MACROD1: variants seen among roughly 807,000 people sequenced by gnomAD.
The protein encoded by MACROD1 is ADP-ribose glycohydrolase MACROD1.
In MACROD1, 31 loss-of-function variants were observed where a neutral mutation model predicts 41.4. The observed-to-expected ratio is 0.75, with a 90% confidence interval of 0.56 to 1.01. MACROD1 has a LOEUF of 1.01. MACROD1 is among the 50% of genes least tolerant of loss of function. The pLI is 0.00. For synonymous variants in MACROD1, 252 were observed against 203.4 expected, an observed-to-expected ratio of 1.24 and a Z score of -2.03; for missense variants, 473 against 460.0, an observed-to-expected ratio of 1.03 and a Z score of -0.26.
At chr11:64,077,120 C>T (rs927317149) in intron 3 of MACROD1, among the ~76,000 whole-genome samples, 3 of 152,178 alleles carry the variant, frequency 2.0e-5, no homozygotes, top group Non-Finnish European at 4.4e-5. Flanking sequence ...TCAGTCCAGC[C>T]TCGGGTAGGC....
At position 64,031,475 on chromosome 11, in the gene MACROD1, C is replaced by T. The variant is rs752336552; in HGVS notation, c.518-16194G>A. Among the ~76,000 whole-genome samples the T allele has an allele frequency of 1.9e-3, 172 of 92,648 alleles. 1 individual carries two copies. The highest frequency in any genetic ancestry group is 0.011 in the Middle Eastern group (2 of 184). The allele number at this position is 92,648 out of a possible 152,430, so 60.8% of individuals were successfully genotyped here. On this transcript the variant is annotated intron_variant, in intron 3 of 10. Coordinates refer to ENST00000255681, the MANE Select transcript of MACROD1 (RefSeq NM_014067.4). ...GCCTGCCTGCCTGCCTGCCTGCCTTCCTTTTTTTTTTTTTTTTTTTGTGAC... is the reference window on the plus strand; with the variant it reads ...GCCTGCCTGCCTGCCTGCCTGCCTTTCTTTTTTTTTTTTTTTTTTTGTGAC...
intron 3 of MACROD1, among the ~76,000 whole-genome samples, chr11:64,137,360 C>A (rs1007828110): frequency 6.6e-6 from 1 of 151,984 alleles, no homozygotes; most frequent in Non-Finnish European, 1.5e-5. Flanking sequence ...ATAAACCATC[C>A]TTGGGGGAGA....
chr11:64,100,274 G>C (rs1944648693), intron 3 of MACROD1, among the ~76,000 whole-genome samples: 1 of 152,214 alleles, frequency 6.6e-6, no homozygotes, highest in South Asian at 2.1e-4. Flanking sequence ...AGAGATGTGA[G>C]ATTGGGCACT....
chr11:64,118,415 G>A (rs984827639), intron 3 of MACROD1: 52 of 1,253,284 alleles, frequency 4.1e-5, no homozygotes, highest in Middle Eastern at 2.8e-4. Flanking sequence ...ACTTTCCTCC[G>A]CAGAAAGCAA....
At chr11:64,117,555 A>T in intron 3 of MACROD1, 1 of 1,605,996 alleles carries the variant, frequency 6.2e-7, no homozygotes, top group South Asian at 1.1e-5. Flanking sequence ...TGACTACCCC[A>T]TGGCCACGGG....
chr11:64,117,103 A>G (rs778264587), intron 3 of MACROD1: 8 of 1,606,708 alleles, frequency 5.0e-6, no homozygotes. Context: ...TACCTGCAGG[A>G]CAATGCCATC....
chr11:64,165,842 G>A lies in MACROD1; in HGVS notation c.153C>T (p.Phe51=). 1 of 1,474,548 alleles carries A rather than the reference G, an allele frequency of 6.8e-7. No individual in the cohort carries two copies. Among genetic ancestry groups the A allele is most frequent in the Non-Finnish European group, 9.0e-7 (1 of 1,114,412 alleles). 91.3% of individuals were successfully genotyped at this position (1,474,548 alleles called of 1,614,324 possible). A position where few individuals can be genotyped will look rare whatever the true frequency, so the allele number is the denominator to read the frequency against. ...TCGPPAFLGV[F]GRRARTSAGV... ...CCGCCGAGGTCCGCGCACGGCGGCC[G>A]AACACGCCCAGGAACGCCGGGGGAC... The change falls in exon 1 of 11, where the codon TTC becomes TTT. Residue 51 remains phenylalanine (F), a synonymous_variant. Transcript: ENST00000255681.
chr11:64,024,447 T>A (rs1943199055), intron 3 of MACROD1, among the ~76,000 whole-genome samples: 1 of 152,188 alleles, frequency 6.6e-6, no homozygotes, highest in Non-Finnish European at 1.5e-5. Flanking sequence ...GTCATGCAGC[T>A]GGGGAGTGGG....
intron 3 of MACROD1, among the ~76,000 whole-genome samples, chr11:64,075,667 G>GGCT (rs1311505590): frequency 6.6e-6 from 1 of 152,232 alleles, no homozygotes; most frequent in African/African-American, 2.4e-5. Context: ...ATCTGGCCCT[G>GGCT]GCTGCTGCTG....
At chr11:64,032,274 G>A (rs917960918) in intron 3 of MACROD1, among the ~76,000 whole-genome samples, 18 of 152,348 alleles carry the variant, frequency 1.2e-4, no homozygotes, top group East Asian at 3.9e-4. Context: ...ATACTTCACT[G>A]TATACGAAGC....
At chr11:64,054,900 CT>C (rs1343464907) in intron 3 of MACROD1, among the ~76,000 whole-genome samples, 1 of 152,142 alleles carries the variant, frequency 6.6e-6, no homozygotes, top group East Asian at 1.9e-4. Flanking sequence ...ACTACTCTTT[CT>C]GTCTTGGTGA....
rs1047661171 is a variant in MACROD1 at position 64,165,978 on chromosome 11, C to T, written c.17G>A (p.Arg6Gln). Residue 6 changes from arginine to glutamine, a missense_variant, in exon 1 of 11, where the codon CGA becomes CAA. By Grantham distance (43) the Arg-to-Gln change is conservative. Transcript: ENST00000255681. ...CAGCTGTGCCAGGCGGCCGGACAGT[C>T]GGCTCTGTAGAGACATGAGCGGGCG... MSLQS[R>Q]LSGRLAQLRA... 1.5e-5 allele frequency: 19 copies of T among 1,293,460 alleles called. No individual in the cohort carries two copies. Among genetic ancestry groups the T allele is most frequent in the Non-Finnish European group, 6.8e-6 (7 of 1,027,072 alleles). The allele number at this position is 1,293,460 out of a possible 1,614,324, so 80.1% of individuals were successfully genotyped here. A position where few individuals can be genotyped will look rare whatever the true frequency, so the allele number is the denominator to read the frequency against.
intron 3 of MACROD1, among the ~76,000 whole-genome samples, chr11:64,018,310 GC>G (rs1343390081): frequency 1.3e-5 from 2 of 152,184 alleles, no homozygotes; most frequent in African/African-American, 4.8e-5. Context: ...GGGTCAGGTG[GC>G]CAACCTGGTG....
intron 1 of MACROD1, among the ~76,000 whole-genome samples, chr11:64,160,555 A>G (rs951850180): frequency 6.6e-6 from 1 of 152,180 alleles, no homozygotes; most frequent in African/African-American, 2.4e-5. Flanking sequence ...CTGTAATCTC[A>G]GCGCTAGCAC....
chr11:64,157,818 G>A (rs918016178), intron 1 of MACROD1, among the ~76,000 whole-genome samples: 1 of 152,230 alleles, frequency 6.6e-6, no homozygotes, highest in Non-Finnish European at 1.5e-5. Context: ...GGTGGGCAGG[G>A]CTGATAAAGG....
intron 3 of MACROD1, among the ~76,000 whole-genome samples, chr11:64,047,277 A>G (rs921216661): frequency 4.6e-5 from 7 of 152,130 alleles, no homozygotes; most frequent in Non-Finnish European, 7.3e-5. Context: ...CTGGCCCGAG[A>G]TAAATGGCTT....
chr11:64,151,748 A>G (rs1342628401), intron 2 of MACROD1, among the ~76,000 whole-genome samples: 1 of 152,200 alleles, frequency 6.6e-6, no homozygotes, highest in Non-Finnish European at 1.5e-5. Flanking sequence ...CCCACAAGCA[A>G]GTAATCTCGG....
At chr11:64,141,653 G>A (rs1392555586) in intron 3 of MACROD1, among the ~76,000 whole-genome samples, 1 of 152,114 alleles carries the variant, frequency 6.6e-6, no homozygotes, top group East Asian at 1.9e-4. Context: ...CACAAGCTCC[G>A]GCCTCCTCGG....
intron 3 of MACROD1, among the ~76,000 whole-genome samples, chr11:64,078,904 C>T (rs890344066): frequency 6.6e-6 from 1 of 152,138 alleles, no homozygotes; most frequent in African/African-American, 2.4e-5. Context: ...GGGAGTTTGG[C>T]AGGTTCCAGG....
Sources: gnomAD v4.1 joint callset for allele counts (sites outside exome capture counted in the v4.1 genomes callset) on GRCh38, gnomAD v4.1.1 for gene constraint, MANE v1.5 for transcripts, NCBI Gene and HGNC (gene_info 2026-07-23, HGNC 2026-07-21) for gene names.